The following FAT3 variants were observed in gnomAD, a reference collection of about 807,000 sequenced individuals.
FAT3 encodes the protein FAT atypical cadherin 3.
A neutral mutation model predicts 310.2 loss-of-function variants in FAT3; 95 were observed. The ratio of observed to expected loss-of-function variants is 0.31; its 90% CI spans 0.26 to 0.36. FAT3 has a LOEUF of 0.36. Ranked by LOEUF, FAT3 falls within the 10% of genes least tolerant of loss-of-function variation. The pLI, the probability that FAT3 is intolerant of heterozygous loss-of-function variation, is 1.00. For missense variants in FAT3, 5,408 were observed against 5,715.6 expected, an observed-to-expected ratio of 0.95 and a Z score of 1.74; for synonymous variants, 2,314 against 2,192.9, an observed-to-expected ratio of 1.06 and a Z score of -1.54.
intron 4 of FAT3, among the ~76,000 whole-genome samples, chr11:92,734,189 A>G (rs1270704516): frequency 6.6e-6 from 1 of 152,200 alleles, no homozygotes; most frequent in Non-Finnish European, 1.5e-5. Flanking sequence ...ATGGAGGTCT[A>G]CCTGCTTCTT....
chr11:92,468,416 A>T (rs1951825256), intron 2 of FAT3, among the ~76,000 whole-genome samples: 1 of 152,194 alleles, frequency 6.6e-6, no homozygotes, highest in Admixed American at 6.5e-5. Context: ...CTCCCTTGTC[A>T]TATATAACCT....
At chr11:92,738,323 G>T (rs181984816) in intron 4 of FAT3, among the ~76,000 whole-genome samples, 33 of 152,250 alleles carry the variant, frequency 2.2e-4, no homozygotes, top group African/African-American at 7.5e-4. Flanking sequence ...GGTTCCCCAA[G>T]ATACTAGAGT....
chr11:92,738,221 A>G (rs1447188592), intron 4 of FAT3, among the ~76,000 whole-genome samples: 1 of 152,164 alleles, frequency 6.6e-6, no homozygotes, highest in Non-Finnish European at 1.5e-5. Flanking sequence ...GAATTCCGTA[A>G]TCACCTTATG....
At position 92,812,030 on chromosome 11, in the gene FAT3, G is replaced by C. The variant is rs139835336; in HGVS notation, c.9481+1954G>C. On this transcript the variant is annotated intron_variant, in intron 13 of 27. Transcript: ENST00000525166. ...TGGTCAGAGTAGACAGGAGATTCCA[G>C]TTGCAGCAGCGTCAGTCTGAGCTGC... Among the ~76,000 whole-genome samples the C allele has an allele frequency of 3.9e-5, 6 of 152,320 alleles. No homozygotes were observed. In the East Asian group the frequency reaches 1.2e-3, roughly 29 times the overall value.
At chr11:92,875,822 C>A (rs1448447845) in intron 22 of FAT3, among the ~76,000 whole-genome samples, 1 of 152,116 alleles carries the variant, frequency 6.6e-6, no homozygotes, top group African/African-American at 2.4e-5. Flanking sequence ...GCTAGATACT[C>A]CACAAAAGAT....
intron 3 of FAT3, among the ~76,000 whole-genome samples, chr11:92,600,276 G>T (rs1449643263): frequency 6.6e-6 from 1 of 152,118 alleles, no homozygotes; most frequent in African/African-American, 2.4e-5. Flanking sequence ...CCCCTAGTGA[G>T]GCCCAGTCAG....
At chr11:92,235,131 C>G (rs954003814) in intron 1 of FAT3, among the ~76,000 whole-genome samples, 10 of 151,900 alleles carry the variant, frequency 6.6e-5, no homozygotes, top group Non-Finnish European at 1.2e-4. Context: ...AGAATCATAC[C>G]TCTGACAATG....
At chr11:92,652,313 TAC>T (rs1335028295) in intron 3 of FAT3, among the ~76,000 whole-genome samples, 1 of 152,182 alleles carries the variant, frequency 6.6e-6, no homozygotes, top group Non-Finnish European at 1.5e-5. Flanking sequence ...CCACAGGCCA[TAC>T]ACATACATTG....
At chr11:92,312,161 A>G (rs1227350324) in intron 1 of FAT3, among the ~76,000 whole-genome samples, 1 of 152,198 alleles carries the variant, frequency 6.6e-6, no homozygotes, top group Non-Finnish European at 1.5e-5. Flanking sequence ...GCGTATTCAA[A>G]GGACTCCCTT....
In FAT3 at chr11:92,538,856, T is replaced by C. The variant is rs1292491942; in HGVS notation, c.3607+13908T>C. On this transcript the variant is annotated intron_variant, in intron 3 of 27. Coordinates refer to ENST00000525166, the MANE Select transcript of FAT3 (RefSeq NM_001367949.2). ...CAATAATGAATGGTTATAATATTTA[T>C]TGGTTGTTTTAGGAAGGAAAGCCTC... Among the ~76,000 whole-genome samples the C allele has an allele frequency of 2.0e-5, 3 of 152,262 alleles. No homozygotes were observed. The East Asian group carries it at 5.8e-4, about 29-fold the overall frequency.
chr11:92,263,232 T>G (rs1865629405), intron 1 of FAT3, among the ~76,000 whole-genome samples: 1 of 151,984 alleles, frequency 6.6e-6, no homozygotes, highest in Non-Finnish European at 1.5e-5. Context: ...CCATCATTTT[T>G]TTTTTCTCGA....
In FAT3 at chr11:92,517,721, C is replaced by T. The variant is rs761762485; in HGVS notation, c.3293-6913C>T. ...ATGGGAGAAACTTTTTGCCATCTAT[C>T]CATCTGACAAAGAGCTAATATCCAG... On this transcript the variant is annotated intron_variant, in intron 2 of 27. Coordinates refer to ENST00000525166, the MANE Select transcript of FAT3 (RefSeq NM_001367949.2). 9.1e-4 allele frequency among the ~76,000 whole-genome samples: 139 copies of T among 152,172 alleles called. No homozygotes were observed. In the Middle Eastern group the frequency reaches 0.01, roughly 11 times the overall value.
intron 3 of FAT3, among the ~76,000 whole-genome samples, chr11:92,645,425 G>A (rs1366358887): frequency 1.3e-5 from 2 of 151,146 alleles, no homozygotes; most frequent in South Asian, 2.1e-4. Context: ...AAAGCTGGGG[G>A]TTTGCCCCCT....
chr11:92,333,714 A>G (rs897970163), intron 1 of FAT3, among the ~76,000 whole-genome samples: 2 of 151,644 alleles, frequency 1.3e-5, no homozygotes, highest in East Asian at 3.9e-4. Flanking sequence ...CCTCATAAAT[A>G]TACATCTTAC....
chr11:92,428,900 C>T (rs1030119163), intron 2 of FAT3, among the ~76,000 whole-genome samples: 5 of 152,004 alleles, frequency 3.3e-5, no homozygotes, highest in Admixed American at 1.3e-4. Context: ...TAGGTCCACT[C>T]GGTCGAGAGC....
intron 3 of FAT3, among the ~76,000 whole-genome samples, chr11:92,551,536 T>C (rs1240112101): frequency 6.6e-6 from 1 of 151,970 alleles, no homozygotes; most frequent in Non-Finnish European, 1.5e-5. Flanking sequence ...TTCTGTATTT[T>C]ACAATGACTC....
At chr11:92,381,182 C>G (rs770891400) in intron 2 of FAT3, among the ~76,000 whole-genome samples, 3 of 152,136 alleles carry the variant, frequency 2.0e-5, no homozygotes, top group Non-Finnish European at 4.4e-5. Context: ...AAAGTAAGAA[C>G]TTAGGCACTG....
At chr11:92,658,923 A>C (rs183137439) in intron 3 of FAT3, among the ~76,000 whole-genome samples, 252 of 56,446 alleles carry the variant, frequency 4.5e-3, no homozygotes, top group African/African-American at 0.012. Context: ...CATCGTCATT[A>C]TCATCATCAT....
chr11:92,867,128 C>T lies in FAT3; in HGVS notation c.12046C>T (p.Leu4016=), dbSNP rs377332139. 7.5e-6 allele frequency: 12 copies of T among 1,602,440 alleles called. No individual in the cohort carries two copies. In the African/African-American group the frequency reaches 1.5e-4, roughly 20 times the overall value. Residue 4016 remains leucine (L), a synonymous_variant, in exon 22 of 28, where the codon CTG becomes TTG. Transcript: ENST00000525166. Reference sequence around the variant, plus strand: ...GGTGGTGGGCCTGACGGAGCTGAAGCTGGGCTGCGTGCTCTATCCCGACGC... The same window carrying T: ...GGTGGTGGGCCTGACGGAGCTGAAGTTGGGCTGCGTGCTCTATCCCGACGC... ...AEVVGLTELK[L]GCVLYPDACK...
Sources: allele counts gnomAD v4.1 joint callset (sites outside exome capture counted in the v4.1 genomes callset), GRCh38; gene constraint gnomAD v4.1.1; transcripts MANE v1.5; gene names NCBI Gene and HGNC (gene_info 2026-07-23, HGNC 2026-07-21).